Variants in OR7C1 observed in about 807,000 individuals in gnomAD.
The protein encoded by OR7C1 is olfactory receptor 7C1.
For synonymous variants in OR7C1, 152 were observed against 160.7 expected (o/e 0.95, Z 0.41); for missense variants, 324 against 383.3 (o/e 0.85, Z 1.29).
At chr19:14,799,251 C>T in exon 5 of OR7C1, 2 of 1,614,140 alleles carry the variant, frequency 1.2e-6, no homozygotes, top group Non-Finnish European at 1.7e-6. Flanking sequence ...CTCTTCATGT[C>T]CGTGTTCCTC....
intron 2 of OR7C1, among the ~76,000 whole-genome samples, chr19:14,804,871 A>G (rs1186118864): frequency 6.6e-6 from 1 of 151,884 alleles, no homozygotes; most frequent in Non-Finnish European, 1.5e-5. Context: ...TATTAATTTC[A>G]TCTCAATAAT....
chr19:14,823,698 T>C (rs868552002), intron 1 of OR7C1, among the ~76,000 whole-genome samples: 12 of 152,354 alleles, frequency 7.9e-5, no homozygotes, highest in African/African-American at 2.9e-4. Context: ...CTCCCACTTG[T>C]AAGTGAGAAC....
At chr19:14,827,682 A>T in intron 1 of OR7C1, 1 of 1,614,212 alleles carries the variant, frequency 6.2e-7, no homozygotes, top group Admixed American at 1.7e-5. Context: ...AGAACAAGCA[A>T]GTTGGATGAC....
chr19:14,827,851 G>C, intron 1 of OR7C1: 1 of 1,614,186 alleles, frequency 6.2e-7, no homozygotes, highest in Non-Finnish European at 8.5e-7. Context: ...ACCATGTAGT[G>C]CAGGGGGTGA....
At chr19:14,798,877 C>T (rs958802947) in exon 5 of OR7C1, 1 of 247,256 alleles carries the variant, frequency 4.0e-6, no homozygotes, top group Non-Finnish European at 7.7e-6. Flanking sequence ...TTTCTATTGG[C>T]GCAGCAGCCG....
Position 14,800,157 on chromosome 19 carries a change from AAG to A in OR7C1, c.-13-10_-13-9del. On this transcript the variant is annotated splice_polypyrimidine_tract_variant and intron_variant, in intron 4 of 4. Transcript: ENST00000641666. ...TCCATGGGGATAAAATAACTGCCAC[AAG>A]AGAGAAAAAAGCAACAGTCAATTAT... The A allele has an allele frequency of 2.6e-6, 4 of 1,520,652 alleles. No individual in the cohort carries two copies. The highest frequency in any genetic ancestry group is 3.5e-6 in the Non-Finnish European group (4 of 1,134,866). The allele number at this position is 1,520,652 out of a possible 1,614,324, so 94.2% of individuals were successfully genotyped here. A position where few individuals can be genotyped will look rare whatever the true frequency, so the allele number is the denominator to read the frequency against.
At chr19:14,823,308 TGGGCGTGGTGGCATGTGCCTGTAA>T (rs1184580425) in intron 1 of OR7C1, among the ~76,000 whole-genome samples, 1 of 151,716 alleles carries the variant, frequency 6.6e-6, no homozygotes, top group African/African-American at 2.4e-5. Flanking sequence ...AAAAATTAGG[TGGGCGTGGTGGCATGTGCCTGTAA>T]TCCCAGCTAC....
At chr19:14,823,105 T>C (rs1475939613) in intron 1 of OR7C1, among the ~76,000 whole-genome samples, 1 of 152,162 alleles carries the variant, frequency 6.6e-6, no homozygotes. Context: ...TCTGCCTATA[T>C]TTTATTCTGG....
chr19:14,800,148 A>G (rs1266084384), exon 5 of OR7C1: 5 of 1,543,616 alleles, frequency 3.2e-6, no homozygotes, highest in Non-Finnish European at 4.4e-6. Context: ...GGGATAAAAT[A>G]ACTGCCACAA....
At chr19:14,833,046 T>C (rs778266173) in intron 1 of OR7C1, among the ~76,000 whole-genome samples, 3 of 152,366 alleles carry the variant, frequency 2.0e-5, no homozygotes, top group Non-Finnish European at 4.4e-5. Context: ...GGGCATTTAA[T>C]ATACAGCAAG....
In OR7C1 at chr19:14,834,131, G is replaced by T. The variant is rs1470874485; in HGVS notation, c.-623+943C>A. Among the ~76,000 whole-genome samples the T allele has an allele frequency of 2.6e-5, 4 of 152,262 alleles. No homozygotes were observed. In the East Asian group the frequency reaches 7.7e-4, roughly 29 times the overall value. On this transcript the variant is annotated intron_variant, in intron 1 of 4. Transcript: ENST00000641666. ...ACAAAAATTAGCCTAGCATGGTGGT[G>T]CACACCAGTAGTTCCAGCTACTTGG...
At chr19:14,829,286 C>T (rs983966062) in intron 1 of OR7C1, among the ~76,000 whole-genome samples, 1 of 152,210 alleles carries the variant, frequency 6.6e-6, no homozygotes, top group Non-Finnish European at 1.5e-5. Context: ...TCACTGCAAC[C>T]TCCACCTCCC....
intron 1 of OR7C1, among the ~76,000 whole-genome samples, chr19:14,814,792 T>C (rs2044708533): frequency 6.6e-6 from 1 of 152,108 alleles, no homozygotes; most frequent in African/African-American, 2.4e-5. Flanking sequence ...CTTTTAAAAC[T>C]TCACTTCCAG....
intron 2 of OR7C1, among the ~76,000 whole-genome samples, chr19:14,809,467 T>A (rs1196370991): frequency 6.6e-6 from 1 of 151,208 alleles, no homozygotes; most frequent in African/African-American, 2.4e-5. Flanking sequence ...AGAAACAGAT[T>A]GAAAGCAAGA....
chr19:14,800,320 G>T, exon 4 of OR7C1: 1 of 661,316 alleles, frequency 1.5e-6, no homozygotes, highest in Non-Finnish European at 2.5e-6. Flanking sequence ...GCTACCATCG[G>T]GATCTGGAAA....
In OR7C1 at chr19:14,817,763, A is replaced by G. The variant is rs1395753070; in HGVS notation, c.-622-7770T>C. 4.6e-5 allele frequency among the ~76,000 whole-genome samples: 7 copies of G among 152,276 alleles called. No individual in the cohort carries two copies. The South Asian group carries it at 1.4e-3, about 32-fold the overall frequency. On this transcript the variant is annotated intron_variant, in intron 1 of 4. Coordinates refer to ENST00000641666, the Ensembl canonical transcript of OR7C1. ...GTCTGTTAGACTCAGCAATGCAGAG[A>G]CCACTGCTGACAATTAAGTGGTGGG...
At chr19:14,813,479 C>T (rs1382508983) in intron 1 of OR7C1, among the ~76,000 whole-genome samples, 2 of 151,902 alleles carry the variant, frequency 1.3e-5, no homozygotes, top group Non-Finnish European at 2.9e-5. Flanking sequence ...GGCATGAACC[C>T]AGGAGGTGGA....
Position 14,815,725 on chromosome 19 carries a change from G to A in OR7C1, c.-622-5732C>T, listed in dbSNP as rs2044712699. 1.3e-5 allele frequency among the ~76,000 whole-genome samples: 2 copies of A among 152,010 alleles called. 1 individual carries two copies. The highest frequency in any genetic ancestry group is 4.1e-4 in the South Asian group (2 of 4,828). ...GGCTGTGTCCCCACCGCAAGTCAAT[G>A]CTTTTTGATGATCCTAAGGACCTAA... On this transcript the variant is annotated intron_variant, in intron 1 of 4. Coordinates refer to ENST00000641666, the Ensembl canonical transcript of OR7C1.
intron 1 of OR7C1, among the ~76,000 whole-genome samples, chr19:14,823,954 C>T (rs1285349621): frequency 6.8e-6 from 1 of 147,840 alleles, no homozygotes; most frequent in Non-Finnish European, 1.5e-5. Flanking sequence ...GCTGTAAATT[C>T]ATGGATTTAT....
Sources: gnomAD v4.1 joint callset for allele counts (sites outside exome capture counted in the v4.1 genomes callset) on GRCh38, gnomAD v4.1.1 for gene constraint, MANE v1.5 for transcripts, NCBI Gene and HGNC (gene_info 2026-07-23, HGNC 2026-07-21) for gene names.